The following UQCRC2 variants were observed in gnomAD, a reference collection of about 807,000 sequenced individuals.
UQCRC2 encodes the protein cytochrome b-c1 complex subunit 2, mitochondrial.
In UQCRC2, 49 loss-of-function variants were observed where a neutral mutation model predicts 55.6. The ratio of observed to expected loss-of-function variants is 0.88; its 90% CI spans 0.70 to 1.12. The LOEUF (loss-of-function observed/expected upper bound fraction) is 1.12, where lower values mean the gene tolerates loss of function less well. UQCRC2 is among the 50% of genes most tolerant of loss of function. The pLI is 0.00. For synonymous variants in UQCRC2, 193 were observed against 192.0 expected, an observed-to-expected ratio of 1.01 and a Z score of -0.04; for missense variants, 506 against 547.8, an observed-to-expected ratio of 0.92 and a Z score of 0.76.
chr16:21,981,904 G>A (rs891109631), intron 13 of UQCRC2, among the ~76,000 whole-genome samples: 5 of 149,772 alleles, frequency 3.3e-5, no homozygotes, highest in African/African-American at 9.8e-5. Context: ...GCAGTGGCGC[G>A]ATCTCGGCTC....
At chr16:21,976,472 A>C in intron 12 of UQCRC2, 1 of 413,268 alleles carries the variant, frequency 2.4e-6, no homozygotes, top group Non-Finnish European at 4.4e-6. Context: ...CAGGTGGTTC[A>C]TTTGAGACCA....
intron 4 of UQCRC2, chr16:21,961,314 G>A (rs987520915): frequency 2.2e-6 from 1 of 447,932 alleles, no homozygotes; most frequent in African/African-American, 2.0e-5. Context: ...AACGATCTAA[G>A]TGTCCATCTT....
chr16:21,963,832 A>G (rs991876578), intron 6 of UQCRC2, among the ~76,000 whole-genome samples: 2 of 152,128 alleles, frequency 1.3e-5, no homozygotes, highest in African/African-American at 4.8e-5. Context: ...TGCTGCTGCT[A>G]TTATTGCTTA....
intron 3 of UQCRC2, 152 bp from the exon 4 acceptor site, chr16:21,958,383 T>A (rs1898126795): frequency 2.8e-6 from 2 of 702,120 alleles, no homozygotes; most frequent in Non-Finnish European, 4.9e-6. Flanking sequence ...AAGCTTTTTG[T>A]TGAGCCTTGT....
intron 6 of UQCRC2, among the ~76,000 whole-genome samples, chr16:21,963,975 T>C (rs1898265107): frequency 6.6e-6 from 1 of 152,238 alleles, no homozygotes; most frequent in African/African-American, 2.4e-5. Context: ...TTATATAATC[T>C]TGACAAGTAC....
chr16:21,977,528 G>C (rs1452512457), intron 12 of UQCRC2, among the ~76,000 whole-genome samples: 1 of 152,094 alleles, frequency 6.6e-6, no homozygotes, highest in African/African-American at 2.4e-5. Flanking sequence ...TAAAATACTT[G>C]TCTGCTATTT....
intron 12 of UQCRC2, among the ~76,000 whole-genome samples, chr16:21,977,254 TG>T (rs1172685637): frequency 6.6e-6 from 1 of 151,954 alleles, no homozygotes; most frequent in Non-Finnish European, 1.5e-5. Flanking sequence ...CTCAGGAGGC[TG>T]AAGAGGGGGG....
intron 13 of UQCRC2, among the ~76,000 whole-genome samples, chr16:21,981,550 TCAATACCAGACTGGGCAATGTAGCAAAAC>T (rs1157913870): frequency 2.0e-5 from 3 of 151,800 alleles, no homozygotes; most frequent in African/African-American, 7.3e-5. Context: ...GCCCAGGAGT[TCAATACCAGACTGGGCAATGTAGCAAAAC>T]CCCATCTCTA....
chr16:21,957,843 G>T (rs760571106), intron 3 of UQCRC2, among the ~76,000 whole-genome samples: 2 of 152,180 alleles, frequency 1.3e-5, no homozygotes, highest in African/African-American at 2.4e-5. Context: ...CCTGTTCCTA[G>T]CTTCCAGCAG....
intron 12 of UQCRC2, chr16:21,977,025 C>T (rs1241509336): frequency 6.6e-6 from 1 of 152,000 alleles, no homozygotes; most frequent in African/African-American, 2.4e-5. Flanking sequence ...TAACGAAAGA[C>T]TCCATGTTAG....
At chr16:21,971,182 T>A (rs1898451725) in intron 8 of UQCRC2, among the ~76,000 whole-genome samples, 1 of 152,158 alleles carries the variant, frequency 6.6e-6, no homozygotes, top group South Asian at 2.1e-4. Context: ...TTTATAACCA[T>A]TAAATATTTG....
intron 3 of UQCRC2, 78 bp from the exon 4 acceptor site, chr16:21,958,457 A>G (rs914159791): frequency 2.4e-6 from 3 of 1,265,164 alleles, no homozygotes; most frequent in Non-Finnish European, 3.4e-6. Flanking sequence ...TCTGCTCACA[A>G]CAGATTTTGA....
At chr16:21,974,092 G>A in intron 11 of UQCRC2, 116 bp downstream of exon 11, 1 of 861,682 alleles carries the variant, frequency 1.2e-6, no homozygotes. Flanking sequence ...ACTTATCAGA[G>A]CTCTGTATAG....
chr16:21,957,124 T>C, intron 1 of UQCRC2, 111 bp from the exon 2 acceptor site: 1 of 943,802 alleles, frequency 1.1e-6, no homozygotes, highest in Non-Finnish European at 1.6e-6. Flanking sequence ...TGGTTATTGC[T>C]CCTTCCACCC....
In UQCRC2 at chr16:21,975,412, G is replaced by T. The variant is rs373992746; in HGVS notation, c.1048-755G>T. On this transcript the variant is annotated intron_variant, in intron 11 of 13. Coordinates refer to ENST00000268379, the MANE Select transcript of UQCRC2 (RefSeq NM_003366.4). ...AATTTAGGCTATGATCAGGTCTGGGGTGTGGCTCTGAAAATGGGCAGCTAA... is the reference window on the plus strand; with the variant it reads ...AATTTAGGCTATGATCAGGTCTGGGTTGTGGCTCTGAAAATGGGCAGCTAA... Among the ~76,000 whole-genome samples the T allele has an allele frequency of 3.3e-5, 5 of 152,256 alleles. No homozygotes were observed. In the South Asian group the frequency reaches 6.2e-4, roughly 19 times the overall value.
chr16:21,962,713 T>C (rs774564246), intron 5 of UQCRC2, 48 bp from the exon 6 acceptor site: 2 of 1,611,924 alleles, frequency 1.2e-6, no homozygotes, highest in South Asian at 1.1e-5. Context: ...TCTCAAATGT[T>C]GGCTTTACAT....
In UQCRC2 at chr16:21,968,697, G is replaced by A. The variant is rs543451561; in HGVS notation, c.670+12G>A. 17 of 1,601,400 alleles carry A rather than the reference G, an allele frequency of 1.1e-5. 1 individual carries two copies. Among genetic ancestry groups the A allele is most frequent in the South Asian group, 1.0e-4 (9 of 88,972 alleles). On this transcript the variant is annotated intron_variant, in intron 8 of 13. Coordinates refer to ENST00000268379, the MANE Select transcript of UQCRC2 (RefSeq NM_003366.4). ...TTTGATTGGACTTGGTAAGTTTAGA[G>A]TATTGCCTGCCTGTCAGTTTGCTTC...
intron 3 of UQCRC2, 41 bp from the exon 4 acceptor site, chr16:21,958,494 C>T: frequency 6.3e-7 from 1 of 1,582,802 alleles, no homozygotes; most frequent in Non-Finnish European, 8.7e-7. Context: ...GCAAACTTGG[C>T]ATTGAAAAGC....
At chr16:21,976,453 A>T (rs989471396) in intron 12 of UQCRC2, 1 of 427,472 alleles carries the variant, frequency 2.3e-6, no homozygotes, top group Non-Finnish European at 4.2e-6. Context: ...GCACTTTGGG[A>T]GGCCAAGGCA....
Sources: allele counts gnomAD v4.1 joint callset (sites outside exome capture counted in the v4.1 genomes callset), GRCh38; gene constraint gnomAD v4.1.1; transcripts MANE v1.5; gene names NCBI Gene and HGNC (gene_info 2026-07-23, HGNC 2026-07-21).